Variants in MAGT1 observed in about 807,000 individuals in gnomAD.
MAGT1 encodes dolichyl-diphosphooligosaccharide--protein glycosyltransferase subunit MAGT1.
MAGT1 carries 4 observed loss-of-function variants against 28.4 expected under a neutral mutation model. The ratio of observed to expected loss-of-function variants is 0.14; its 90% CI spans 0.07 to 0.32. MAGT1 has a LOEUF of 0.32. Among genes scored for constraint, MAGT1 ranks in the 10% least tolerant of loss-of-function variants. The pLI is 1.00. For synonymous variants in MAGT1, 89 were observed against 89.7 expected (o/e 0.99, Z 0.04); for missense variants, 193 against 264.5 (o/e 0.73, Z 1.88).
intron 1 of MAGT1, among the ~76,000 whole-genome samples, chrX:77,883,000 ATATATTTATATATATAAAT>A (rs2077056853): frequency 9.9e-6 from 1 of 100,707 alleles, no homozygotes; most frequent in African/African-American, 3.6e-5. Context: ...TATAATTTAT[ATATATTTATATATATAAAT>A]TATATATTTG....
In MAGT1 at chrX:77,826,448, G is replaced by A. The variant is rs782100415; in HGVS notation, c.*2772C>T. The A allele has an allele frequency of 8.9e-6, 1 of 112,136 alleles. No individual in the cohort carries two copies. The highest frequency in any genetic ancestry group is 3.2e-5 in the African/African-American group (1 of 30,935). The allele number at this position is 112,136 out of a possible 1,213,427, so 9.2% of individuals were successfully genotyped here. A position where few individuals can be genotyped will look rare whatever the true frequency, so the allele number is the denominator to read the frequency against. The stretch of plus-strand genomic sequence containing the variant: ...CTTTGCCACTACAATGTGTCATTCT[G>A]AACTGTATCTTAAAAATGCATAACA... On this transcript the variant is annotated 3_prime_UTR_variant, in exon 10 of 10. Coordinates refer to ENST00000618282, the MANE Select transcript of MAGT1 (RefSeq NM_001367916.1).
chrX:77,858,910 G>A (rs2076987917), intron 3 of MAGT1, among the ~76,000 whole-genome samples: 1 of 111,831 alleles, frequency 8.9e-6, no homozygotes, highest in South Asian at 3.6e-4. Flanking sequence ...TTGAAAATGT[G>A]TATAAAAAAT....
intron 5 of MAGT1, chrX:77,856,375 T>C (rs782151119): frequency 7.1e-6 from 1 of 139,887 alleles, no homozygotes; most frequent in South Asian, 1.9e-4. Flanking sequence ...GAAGCAGAGG[T>C]TGCAGTGAGC....
intron 7 of MAGT1, among the ~76,000 whole-genome samples, chrX:77,849,074 C>CT (rs538635480): frequency 0.031 from 2,987 of 97,266 alleles, 60 homozygotes; most frequent in East Asian, 0.084. Context: ...ATTGTGTTTT[C>CT]TTTTTTTTTT....
intron 7 of MAGT1, among the ~76,000 whole-genome samples, chrX:77,846,909 G>A (rs1369694924): frequency 1.2e-4 from 13 of 111,969 alleles, no homozygotes; most frequent in African/African-American, 3.2e-4. Flanking sequence ...CAGTCTGTCC[G>A]TTCTCAGATC....
In MAGT1 at chrX:77,849,367, A is replaced by G. The variant is rs4826198; in HGVS notation, c.826+4534T>C. 0.014 allele frequency among the ~76,000 whole-genome samples: 1,520 copies of G among 110,579 alleles called. 102 individuals are homozygous for G. The East Asian group carries it at 0.28, about 20-fold the overall frequency. ...AGTGCTGGTATTATAGGCATGAGCC[A>G]CCGCACCCAGCCCTGTAGGATTCCA... On this transcript the variant is annotated intron_variant, in intron 7 of 9. Coordinates refer to ENST00000618282, the MANE Select transcript of MAGT1 (RefSeq NM_001367916.1).
intron 7 of MAGT1, among the ~76,000 whole-genome samples, chrX:77,845,092 T>A (rs782092750): frequency 4.5e-5 from 5 of 111,369 alleles, no homozygotes; most frequent in African/African-American, 1.3e-4. Context: ...TCTCTTTGTA[T>A]GTCTCTAAGG....
intron 3 of MAGT1, among the ~76,000 whole-genome samples, chrX:77,864,690 A>G (rs2077003896): frequency 2.0e-5 from 2 of 99,837 alleles, no homozygotes; most frequent in Non-Finnish European, 4.2e-5. Flanking sequence ...TGCAGCCTAA[A>G]TAGTAGAGAA....
intron 7 of MAGT1, 142 bp from the exon 8 acceptor site, chrX:77,841,462 G>T: frequency 2.2e-6 from 1 of 460,990 alleles, no homozygotes; most frequent in East Asian, 3.7e-5. Context: ...AAGGAATCTT[G>T]TATCTATACG....
intron 2 of MAGT1, among the ~76,000 whole-genome samples, chrX:77,871,803 C>T: frequency 9.1e-6 from 1 of 110,178 alleles, no homozygotes; most frequent in Non-Finnish European, 1.9e-5. Context: ...GATCACACCA[C>T]TGCACTCCAG....
intron 1 of MAGT1, among the ~76,000 whole-genome samples, chrX:77,891,501 T>C (rs1387318651): frequency 9.0e-6 from 1 of 111,544 alleles, no homozygotes. Flanking sequence ...CCACCATGCC[T>C]GGCCAGTCCC....
chrX:77,835,960 C>T (rs2076916415), intron 8 of MAGT1, among the ~76,000 whole-genome samples: 1 of 110,738 alleles, frequency 9.0e-6, no homozygotes, highest in Non-Finnish European at 1.9e-5. Flanking sequence ...TGCACCACTA[C>T]GCCCAGCTAA....
rs1226107448 is a variant in MAGT1 at position 77,827,801 on chromosome X, C to T, written c.*1419G>A. 1 of 111,013 alleles carries T rather than the reference C, an allele frequency of 9.0e-6. No individual in the cohort carries two copies. The highest frequency in any genetic ancestry group is 3.3e-5 in the African/African-American group (1 of 30,595). 9.1% of individuals were successfully genotyped at this position (111,013 alleles called of 1,213,427 possible). A position where few individuals can be genotyped will look rare whatever the true frequency, so the allele number is the denominator to read the frequency against. ...AGGTACAAATGGAATAAGTGACAAA[C>T]TCTAATTTGTAGAAACATTTTAGGC... On this transcript the variant is annotated 3_prime_UTR_variant, in exon 10 of 10. Coordinates refer to ENST00000618282, the MANE Select transcript of MAGT1 (RefSeq NM_001367916.1).
At chrX:77,874,304 A>AG (rs1158521472) in intron 2 of MAGT1, among the ~76,000 whole-genome samples, 1 of 106,428 alleles carries the variant, frequency 9.4e-6, no homozygotes, top group East Asian at 3.0e-4. Context: ...TTAAAAAAAA[A>AG]AAAACATTAC....
chrX:77,838,221 C>T (rs1349923369), intron 8 of MAGT1, among the ~76,000 whole-genome samples: 2 of 109,050 alleles, frequency 1.8e-5, no homozygotes, highest in Non-Finnish European at 3.8e-5. Flanking sequence ...TGGGAGGCCA[C>T]AGTGGGAAAG....
intron 7 of MAGT1, among the ~76,000 whole-genome samples, chrX:77,852,134 C>T (rs1557215581): frequency 9.0e-6 from 1 of 111,229 alleles, no homozygotes; most frequent in African/African-American, 3.3e-5. Flanking sequence ...AACTCCTGAT[C>T]TCAGGTGATC....
At chrX:77,880,625 C>T (rs1394476843) in intron 1 of MAGT1, among the ~76,000 whole-genome samples, 1 of 110,340 alleles carries the variant, frequency 9.1e-6, no homozygotes, top group Non-Finnish European at 1.9e-5. Context: ...ACCGAACACA[C>T]TCTAAACCCA....
At chrX:77,887,190 G>A (rs782683584) in intron 1 of MAGT1, among the ~76,000 whole-genome samples, 3 of 111,376 alleles carry the variant, frequency 2.7e-5, no homozygotes, top group Admixed American at 9.7e-5. Context: ...GAACTCCTGG[G>A]CTCAAATGAT....
chrX:77,877,251 G>A (rs1163582277), intron 1 of MAGT1, among the ~76,000 whole-genome samples: 2 of 110,473 alleles, frequency 1.8e-5, no homozygotes, highest in African/African-American at 6.6e-5. Context: ...CAGCACTTTG[G>A]GAGGCCAAGG....
Sources: allele counts gnomAD v4.1 joint callset (sites outside exome capture counted in the v4.1 genomes callset), GRCh38; gene constraint gnomAD v4.1.1; transcripts MANE v1.5; gene names NCBI Gene and HGNC (gene_info 2026-07-23, HGNC 2026-07-21).